Variants in NOL4 observed in about 807,000 individuals in gnomAD.
NOL4 encodes the protein cancer/testis antigen 125.
A neutral mutation model predicts 75.9 loss-of-function variants in NOL4; 17 were observed. That is an observed-to-expected ratio of 0.22 (90% CI 0.15 to 0.34). The LOEUF is 0.34. Among genes scored for constraint, NOL4 ranks in the 10% least tolerant of loss-of-function variants. The pLI, the probability that NOL4 is intolerant of heterozygous loss-of-function variation, is 1.00. For synonymous variants in NOL4, 292 were observed against 289.9 expected (o/e 1.01, Z -0.07); for missense variants, 614 against 793.5 (o/e 0.77, Z 2.72).
chr18:33,990,404 C>G (rs1441869930), intron 6 of NOL4, among the ~76,000 whole-genome samples: 1 of 152,010 alleles, frequency 6.6e-6, no homozygotes, highest in Non-Finnish European at 1.5e-5. Flanking sequence ...ATAGCAGACA[C>G]ATCTCTTTGT....
chr18:33,892,294 G>T (rs2065139231), intron 9 of NOL4, among the ~76,000 whole-genome samples: 1 of 151,976 alleles, frequency 6.6e-6, no homozygotes, highest in African/African-American at 2.4e-5. Flanking sequence ...GGCTGGTAAT[G>T]GTGGAATGTG....
At chr18:33,973,448 ATCT>A (rs1428330544) in intron 6 of NOL4, among the ~76,000 whole-genome samples, 4 of 152,162 alleles carry the variant, frequency 2.6e-5, no homozygotes, top group African/African-American at 7.2e-5. Context: ...TGCTATTTTG[ATCT>A]TCTCCCATGA....
At chr18:33,971,794 C>T (rs962855162) in intron 6 of NOL4, among the ~76,000 whole-genome samples, 1 of 152,000 alleles carries the variant, frequency 6.6e-6, no homozygotes, top group Non-Finnish European at 1.5e-5. Context: ...CTGTAATAAG[C>T]CTGTTGTCTA....
chr18:34,016,186 T>C (rs910898471), intron 6 of NOL4, among the ~76,000 whole-genome samples: 20 of 152,032 alleles, frequency 1.3e-4, no homozygotes, highest in African/African-American at 4.8e-4. Context: ...AAAAATAACA[T>C]GTTCAGTAAT....
chr18:34,101,683 G>T (rs1331826246), intron 4 of NOL4, among the ~76,000 whole-genome samples: 1 of 152,028 alleles, frequency 6.6e-6, no homozygotes, highest in Non-Finnish European at 1.5e-5. Flanking sequence ...AATTTCTCAT[G>T]CAGGAAGGAA....
At chr18:34,057,202 G>A (rs1242854220) in intron 5 of NOL4, among the ~76,000 whole-genome samples, 2 of 152,062 alleles carry the variant, frequency 1.3e-5, no homozygotes, top group South Asian at 2.1e-4. Context: ...GAGTTCTTGA[G>A]AATCTAAAGA....
intron 5 of NOL4, among the ~76,000 whole-genome samples, chr18:34,056,950 G>C (rs529023649): frequency 6.6e-6 from 1 of 152,280 alleles, no homozygotes; most frequent in South Asian, 2.1e-4. Context: ...ACTTAAAGAT[G>C]ATAGTTGGTT....
At chr18:33,941,653 C>T (rs560891034) in intron 9 of NOL4, among the ~76,000 whole-genome samples, 27 of 151,918 alleles carry the variant, frequency 1.8e-4, no homozygotes, top group Non-Finnish European at 2.5e-4. Context: ...GTTCTCATAA[C>T]GACTCCACAG....
At chr18:33,885,217 G>GA (rs2064563659) in intron 9 of NOL4, among the ~76,000 whole-genome samples, 1 of 151,942 alleles carries the variant, frequency 6.6e-6, no homozygotes, top group Non-Finnish European at 1.5e-5. Context: ...GACTGAAATT[G>GA]GTGTATGAAC....
intron 9 of NOL4, among the ~76,000 whole-genome samples, chr18:33,885,902 T>C (rs1568007564): frequency 6.6e-6 from 1 of 152,102 alleles, no homozygotes; most frequent in Non-Finnish European, 1.5e-5. Context: ...TTACAATAGC[T>C]AAGATTTGGA....
intron 1 of NOL4, among the ~76,000 whole-genome samples, chr18:34,217,025 C>G (rs906212634): frequency 3.3e-5 from 5 of 152,006 alleles, no homozygotes; most frequent in Admixed American, 6.6e-5. Context: ...ATCGACTCTT[C>G]TTTTGGCATA....
chr18:34,041,019 G>T (rs1277462675), intron 5 of NOL4, among the ~76,000 whole-genome samples: 1 of 151,860 alleles, frequency 6.6e-6, no homozygotes, highest in African/African-American at 2.4e-5. Context: ...AAAACGTAAT[G>T]AAAAAATTTG....
intron 2 of NOL4, among the ~76,000 whole-genome samples, chr18:34,122,559 A>C (rs2080192727): frequency 6.6e-6 from 1 of 152,134 alleles, no homozygotes; most frequent in African/African-American, 2.4e-5. Flanking sequence ...TATTATGTTA[A>C]AACTTTACCT....
intron 10 of NOL4, among the ~76,000 whole-genome samples, chr18:33,862,559 T>C (rs373530948): frequency 1.4e-4 from 21 of 151,926 alleles, no homozygotes; most frequent in Middle Eastern, 3.4e-3. Context: ...ACAATGAACT[T>C]AAACAAATTT....
At chr18:33,925,917 G>A (rs759383284) in intron 9 of NOL4, among the ~76,000 whole-genome samples, 1 of 152,090 alleles carries the variant, frequency 6.6e-6, no homozygotes, top group Non-Finnish European at 1.5e-5. Context: ...AAAGTTCCCT[G>A]TAGCTATAAC....
chr18:33,928,341 G>A (rs540360062), intron 9 of NOL4, among the ~76,000 whole-genome samples: 1 of 152,212 alleles, frequency 6.6e-6, no homozygotes, highest in African/African-American at 2.4e-5. Flanking sequence ...AACCAAAGAT[G>A]TATCTCAAAA....
intron 5 of NOL4, among the ~76,000 whole-genome samples, chr18:34,067,564 A>C (rs1208822173): frequency 6.6e-6 from 1 of 152,180 alleles, no homozygotes; most frequent in Non-Finnish European, 1.5e-5. Flanking sequence ...TAGAGACTCG[A>C]AAGTGGAGAA....
chr18:34,163,403 C>A (rs2031835622), intron 1 of NOL4, among the ~76,000 whole-genome samples: 1 of 151,740 alleles, frequency 6.6e-6, no homozygotes, highest in Non-Finnish European at 1.5e-5. Context: ...TCTCAGGATA[C>A]AAAATCAATG....
At chr18:33,888,340 T>C (rs1019039667) in intron 9 of NOL4, among the ~76,000 whole-genome samples, 1 of 152,196 alleles carries the variant, frequency 6.6e-6, no homozygotes, top group Non-Finnish European at 1.5e-5. Context: ...ATGGGTAGAT[T>C]GCAAAGATTT....
Sources: allele counts gnomAD v4.1 joint callset (sites outside exome capture counted in the v4.1 genomes callset), GRCh38; gene constraint gnomAD v4.1.1; transcripts MANE v1.5; gene names NCBI Gene and HGNC (gene_info 2026-07-23, HGNC 2026-07-21).